PPFIA1: variants seen among roughly 807,000 people sequenced by gnomAD.
The protein encoded by PPFIA1 is PPFI scaffold protein A1, also known as liprin-alpha-1.
PPFIA1 carries 25 observed loss-of-function variants against 149.9 expected under a neutral mutation model. The observed-to-expected ratio is 0.17, with a 90% CI of 0.12 to 0.23. PPFIA1 has a LOEUF of 0.23. Ranked by LOEUF, PPFIA1 falls within the 10% of genes least tolerant of loss-of-function variation. The pLI, the probability that PPFIA1 is intolerant of heterozygous loss-of-function variation, is 1.00. For synonymous variants in PPFIA1, 549 were observed against 552.8 expected (o/e 0.99, Z 0.10); for missense variants, 1,362 against 1,506.5 (o/e 0.90, Z 1.59).
chr11:70,298,584 C>T (rs1032964563), intron 2 of PPFIA1, among the ~76,000 whole-genome samples: 10 of 152,114 alleles, frequency 6.6e-5, no homozygotes, highest in African/African-American at 2.4e-4. Flanking sequence ...TAGAGTGTAC[C>T]TAGAAGTGTT....
chr11:70,335,594 A>T lies in PPFIA1; in HGVS notation c.1328A>T (p.His443Leu). 1 of 1,614,076 alleles carries T rather than the reference A, an allele frequency of 6.2e-7. No individual in the cohort carries two copies. The highest frequency in any genetic ancestry group is 8.5e-7 in the Non-Finnish European group (1 of 1,179,978). ...ARQREKMNEE[H>L]NKRLSDTVDK... ...CAAAGAGAAAAAATGAACGAAGAAC[A>T]TAATAAACGTTTATCAGACACTGTT... is the stretch of plus-strand genomic sequence containing the variant. Residue 443 changes from histidine (H) to leucine (L), a missense_variant, in exon 11 of 28, where the codon CAT (histidine) becomes CTT (leucine). Physicochemically the swap from His to Leu is moderately conservative, Grantham distance 99. This residue lies in a region of PPFIA1 where 733 missense variants were observed against 744.1 expected (regional missense o/e 0.99). Transcript: ENST00000253925.
intron 2 of PPFIA1, among the ~76,000 whole-genome samples, chr11:70,289,442 T>G (rs2051377260): frequency 1.3e-5 from 2 of 152,256 alleles, no homozygotes; most frequent in Non-Finnish European, 2.9e-5. Context: ...ATTGTTTTCC[T>G]TATCTATGAT....
At chr11:70,310,818 G>A (rs1231131908) in intron 2 of PPFIA1, among the ~76,000 whole-genome samples, 1 of 152,150 alleles carries the variant, frequency 6.6e-6, no homozygotes, top group African/African-American at 2.4e-5. Flanking sequence ...GAGACTGAAC[G>A]AGTTCTGGAA....
rs1390790908 is a variant in PPFIA1, at chr11:70,332,029, A to G, written c.1147A>G (p.Arg383Gly). ...LAEQKLQQTLRKAETLPEVEA... is the reference protein window; with the variant it reads ...LAEQKLQQTLGKAETLPEVEA... The stretch of plus-strand genomic sequence containing the variant: ...AGAGCAAAAGCTGCAACAGACACTG[A>G]GGAAGGCAGAGACGCTCCCGGAGGT... The change falls in exon 9 of 28, where the codon AGG (arginine) becomes GGG (glycine). Residue 383 changes from arginine to glycine, a missense_variant. Coordinates refer to ENST00000253925, the MANE Select transcript of PPFIA1 (RefSeq NM_003626.5). The G allele has an allele frequency of 6.2e-7, 1 of 1,613,422 alleles. No homozygotes were observed. The highest frequency in any genetic ancestry group is 1.7e-4 in the Middle Eastern group (1 of 6,060).
At chr11:70,370,252 A>G (rs753236328) in intron 21 of PPFIA1, among the ~76,000 whole-genome samples, 6 of 151,882 alleles carry the variant, frequency 4.0e-5, no homozygotes, top group Non-Finnish European at 7.4e-5. Context: ...TTTGATTGAT[A>G]TTTATGAAGT....
Position 70,333,484 on chromosome 11 carries a change from C to T in PPFIA1, c.1227C>T (p.His409=), listed in dbSNP as rs142274531. Residue 409 remains histidine, a synonymous_variant, in exon 10 of 28, where the codon CAC becomes CAT. Transcript: ENST00000253925. Reference sequence around the variant, plus strand: ...TCTGCTGACAGGCTGAAGAGAGACACGGCAACATTGAAGAAAGGTTACGAC... The same window carrying T: ...TCTGCTGACAGGCTGAAGAGAGACATGGCAACATTGAAGAAAGGTTACGAC... ...VAALSKAEER[H]GNIEERLRQM... is the part of the protein sequence containing the mutation. 9 of 1,612,842 alleles carry T rather than the reference C, an allele frequency of 5.6e-6. No individual in the cohort carries two copies. The African/African-American group carries it at 9.3e-5, about 17-fold the overall frequency.
intron 19 of PPFIA1, among the ~76,000 whole-genome samples, chr11:70,359,851 A>G (rs2056545331): frequency 6.6e-6 from 1 of 152,252 alleles, no homozygotes; most frequent in Non-Finnish European, 1.5e-5. Flanking sequence ...GTTCATGTAA[A>G]TGAACGGCCC....
At chr11:70,275,355 C>G (rs111325820) in intron 2 of PPFIA1, among the ~76,000 whole-genome samples, 26 of 152,272 alleles carry the variant, frequency 1.7e-4, no homozygotes, top group African/African-American at 6.0e-4. Context: ...ATGTGCATGA[C>G]AGATTGTTTT....
intron 2 of PPFIA1, among the ~76,000 whole-genome samples, chr11:70,273,443 A>G (rs1259971063): frequency 6.6e-6 from 1 of 152,092 alleles, no homozygotes; most frequent in Non-Finnish European, 1.5e-5. Flanking sequence ...GTGGGAGAGA[A>G]GTGGGTTATT....
At chr11:70,354,037 T>G (rs1344639161) in intron 16 of PPFIA1, among the ~76,000 whole-genome samples, 1 of 152,130 alleles carries the variant, frequency 6.6e-6, no homozygotes, top group Non-Finnish European at 1.5e-5. Flanking sequence ...AACCTTGGGC[T>G]GCATGGAGGA....
intron 2 of PPFIA1, among the ~76,000 whole-genome samples, chr11:70,280,842 A>T (rs1174648869): frequency 6.6e-6 from 1 of 152,176 alleles, no homozygotes; most frequent in Non-Finnish European, 1.5e-5. Context: ...CACTGGGATT[A>T]CAGGTGTGAG....
chr11:70,383,169 AAAATATT>A lies in PPFIA1; in HGVS notation c.*180_*186del. On this transcript the variant is annotated 3_prime_UTR_variant, in exon 28 of 28. Coordinates refer to ENST00000253925, the MANE Select transcript of PPFIA1 (RefSeq NM_003626.5). ...TGAAAAATTCATGAATACCATAGAG[AAAATATT>A]TTAGAATTTAATGTTTCTTATATTT... 2 of 343,704 alleles carry A rather than the reference AAAATATT, an allele frequency of 5.8e-6. No homozygotes were observed. Among genetic ancestry groups the A allele is most frequent in the Non-Finnish European group, 1.1e-5 (2 of 183,842 alleles). 21.3% of individuals were successfully genotyped at this position (343,704 alleles called of 1,614,324 possible). A position where few individuals can be genotyped will look rare whatever the true frequency, so the allele number is the denominator to read the frequency against.
chr11:70,325,383 TTA>T (rs2054200805), intron 4 of PPFIA1, 115 bp from the exon 5 acceptor site: 5 of 526,760 alleles, frequency 9.5e-6, no homozygotes. Flanking sequence ...TGGTATTTTA[TTA>T]TGTTATATTA....
intron 2 of PPFIA1, among the ~76,000 whole-genome samples, chr11:70,286,984 TACACAC>T (rs57213147): frequency 5.5e-4 from 82 of 148,098 alleles, no homozygotes; most frequent in Admixed American, 3.0e-3. Flanking sequence ...TATATGCACA[TACACAC>T]ACACACACAC....
intron 20 of PPFIA1, 29 bp downstream of exon 20, chr11:70,362,205 G>A (rs7130178): frequency 0.37 from 597,939 of 1,612,752 alleles, 119,693 homozygotes; most frequent in African/African-American, 0.78. Flanking sequence ...ATGCAGTTGC[G>A]TGGGTTACAG....
At chr11:70,280,246 A>T (rs12791830) in intron 2 of PPFIA1, among the ~76,000 whole-genome samples, 30,759 of 148,504 alleles carry the variant, frequency 0.21, 3,352 homozygotes, top group South Asian at 0.26. Flanking sequence ...ACATATATAT[A>T]TATAAATATA....
intron 2 of PPFIA1, among the ~76,000 whole-genome samples, chr11:70,285,925 A>G (rs2051084183): frequency 6.6e-6 from 1 of 152,144 alleles, no homozygotes; most frequent in African/African-American, 2.4e-5. Flanking sequence ...CGTTGTATGA[A>G]GAGAAATGGA....
chr11:70,355,561 G>A lies in PPFIA1; in HGVS notation c.2316-78G>A, dbSNP rs1362048543. 1.7e-5 allele frequency: 23 copies of A among 1,336,868 alleles called. No individual in the cohort carries two copies. The East Asian group carries it at 4.7e-4, about 27-fold the overall frequency. The allele number at this position is 1,336,868 out of a possible 1,614,324, so 82.8% of individuals were successfully genotyped here. On this transcript the variant is annotated intron_variant, in intron 17 of 27. Transcript: ENST00000253925. ...TGTGTGAAAGAGACTGGAAGTGCTT[G>A]TAGGGAAGTTTGCGACTGTTAATAT...
At chr11:70,377,104 C>A (rs556474481) in intron 25 of PPFIA1, among the ~76,000 whole-genome samples, 20 of 151,560 alleles carry the variant, frequency 1.3e-4, no homozygotes, top group Middle Eastern at 3.4e-3. Context: ...AAAAAAAAAA[C>A]CCACAAAAGT....
Sources: gnomAD v4.1 joint callset for allele counts (sites outside exome capture counted in the v4.1 genomes callset) on GRCh38, gnomAD v4.1.1 for gene constraint, gnomAD v4.1.1 regional missense constraint, MANE v1.5 for transcripts, NCBI Gene and HGNC (gene_info 2026-07-23, HGNC 2026-07-21) for gene names.